SV2B: variants seen among roughly 807,000 people sequenced by gnomAD.
SV2B encodes solute carrier family 22 member B2.
In SV2B, 41 loss-of-function variants were observed where a neutral mutation model predicts 73.9. That is an observed-to-expected ratio of 0.56 (90% CI 0.43 to 0.72). SV2B has a LOEUF of 0.72. SV2B is among the 30% of genes least tolerant of loss of function. SV2B has a pLI of 0.00. For missense variants in SV2B, 764 were observed against 857.8 expected (o/e 0.89, Z 1.37); for synonymous variants, 314 against 314.2 (o/e 1.00, Z 0.01).
Position 91,268,665 on chromosome 15 carries a change from G to A in SV2B, c.1373+60G>A. 6.4e-7 allele frequency: 1 copy of A among 1,566,612 alleles called. No individual in the cohort carries two copies. The highest frequency in any genetic ancestry group is 1.8e-5 in the Admixed American group (1 of 56,572). On this transcript the variant is annotated intron_variant, in intron 9 of 12. Transcript: ENST00000394232. This position sits in a 1 kb window ranked among gnomAD's most constrained non-coding sequence, Gnocchi z 4.4. ...GGTGACAGTCGTGGGGACTGTTATT[G>A]GGAGGGAGCCGGAGGGAAGATAAGA...
In SV2B at chr15:91,297,664, G is replaced by C. The variant is rs1433027524; in HGVS notation, c.*5112G>C. 1 of 152,166 alleles carries C rather than the reference G, an allele frequency of 6.6e-6. No homozygotes were observed. The highest frequency in any genetic ancestry group is 1.5e-5 in the Non-Finnish European group (1 of 68,036). 9.4% of individuals were successfully genotyped at this position (152,166 alleles called of 1,614,324 possible). On this transcript the variant is annotated 3_prime_UTR_variant, in exon 13 of 13. Coordinates refer to ENST00000394232, the MANE Select transcript of SV2B (RefSeq NM_001323032.3). This position sits in a 1 kb window ranked among gnomAD's most constrained non-coding sequence, Gnocchi z 5.1. Reference sequence around the variant, plus strand: ...TTTGACTTGTCAGGGAAGTTCTATTGCTCTGATAACTTAAAACCAACCCAA... The same window carrying C: ...TTTGACTTGTCAGGGAAGTTCTATTCCTCTGATAACTTAAAACCAACCCAA...
chr15:91,275,109 A>T, intron 9 of SV2B, among the ~76,000 whole-genome samples: 1 of 152,134 alleles, frequency 6.6e-6, no homozygotes. Context: ...ATCCGTGTGT[A>T]TAGAACATTT....
rs921133233 is a variant in SV2B, at chr15:91,118,621, C to A, written c.-392+18258C>A. ...CTGGAGGGTCTGAAGCGGGACCCAG[C>A]TGCCCCTTTCTGAGAGGCTCCCTAC... On this transcript the variant is annotated intron_variant, in intron 1 of 12. Transcript: ENST00000394232. This position sits in a 1 kb window ranked among gnomAD's most constrained non-coding sequence, Gnocchi z 4.7. 1.3e-5 allele frequency among the ~76,000 whole-genome samples: 2 copies of A among 152,168 alleles called. No individual in the cohort carries two copies. The highest frequency in any genetic ancestry group is 4.8e-5 in the African/African-American group (2 of 41,432).
intron 1 of SV2B, among the ~76,000 whole-genome samples, chr15:91,166,646 A>G (rs1596506891): frequency 1.3e-5 from 2 of 151,904 alleles, no homozygotes; most frequent in Admixed American, 1.3e-4. Flanking sequence ...TTTTTTCTCA[A>G]TTTTTATATC....
chr15:91,158,351 A>G (rs2141239460), intron 1 of SV2B, among the ~76,000 whole-genome samples: 1 of 152,238 alleles, frequency 6.6e-6, no homozygotes, highest in East Asian at 1.9e-4. Flanking sequence ...AATCTGGGCT[A>G]GGGGGATTAC....
chr15:91,289,694 C>T lies in SV2B; in HGVS notation c.1868+14C>T. ...CACCAACCAGAGGTCAGTTCTTCCC[C>T]AGGCTTTCCTCAGGGACTTGTTTGG... is the stretch of plus-strand genomic sequence containing the variant. On this transcript the variant is annotated intron_variant, in intron 12 of 12. Coordinates refer to ENST00000394232, the MANE Select transcript of SV2B (RefSeq NM_001323032.3). This position sits in a 1 kb window ranked among gnomAD's most constrained non-coding sequence, Gnocchi z 4.9. The T allele has an allele frequency of 6.2e-7, 1 of 1,608,610 alleles. No homozygotes were observed. The highest frequency in any genetic ancestry group is 8.5e-7 in the Non-Finnish European group (1 of 1,177,346).
intron 1 of SV2B, among the ~76,000 whole-genome samples, chr15:91,116,191 G>C (rs1197134990): frequency 6.6e-6 from 1 of 152,162 alleles, no homozygotes; most frequent in African/African-American, 2.4e-5. Flanking sequence ...CATCTTGGAA[G>C]TTGAAGAGTA....
intron 1 of SV2B, among the ~76,000 whole-genome samples, chr15:91,191,520 C>T (rs989133895): frequency 1.3e-5 from 2 of 152,154 alleles, no homozygotes; most frequent in African/African-American, 2.4e-5. Flanking sequence ...CTAAGTTCCT[C>T]TCAGTAATTT....
rs748120690 is a variant in SV2B at position 91,258,584 on chromosome 15, A to G, written c.918+30A>G. ...GTCAGTGCTTTTCCACCAGGGGGAG[A>G]GTGACAAAACAGCCACAGGAACCCA... On this transcript the variant is annotated intron_variant, in intron 5 of 12. Transcript: ENST00000394232. This position sits in a 1 kb window ranked among gnomAD's most constrained non-coding sequence, Gnocchi z 4.7. The G allele has an allele frequency of 1.9e-6, 3 of 1,611,802 alleles. No individual in the cohort carries two copies. The highest frequency in any genetic ancestry group is 1.7e-5 in the Admixed American group (1 of 59,722).
At chr15:91,178,665 C>G (rs186372960) in intron 1 of SV2B, among the ~76,000 whole-genome samples, 61 of 151,728 alleles carry the variant, frequency 4.0e-4, no homozygotes, top group Admixed American at 1.1e-3. Flanking sequence ...TCTAAATTTT[C>G]TAGTTTATTT....
intron 9 of SV2B, among the ~76,000 whole-genome samples, chr15:91,276,064 GTTT>G (rs35560168): frequency 1.4e-5 from 2 of 140,076 alleles, no homozygotes; most frequent in South Asian, 2.3e-4. Flanking sequence ...TGGGTGGACA[GTTT>G]TTTTTTTTTT....
intron 6 of SV2B, among the ~76,000 whole-genome samples, chr15:91,266,181 C>A (rs2048093982): frequency 6.6e-6 from 1 of 152,052 alleles, no homozygotes; most frequent in Admixed American, 6.6e-5. Context: ...ATAAAAAAAA[C>A]AAAACCCCCC....
rs751672314 is a variant in SV2B, at chr15:91,268,622, G to A, written c.1373+17G>A. The A allele has an allele frequency of 7.5e-6, 12 of 1,603,490 alleles. No homozygotes were observed. Among genetic ancestry groups the A allele is most frequent in the Admixed American group, 3.3e-5 (2 of 59,786 alleles). On this transcript the variant is annotated intron_variant, in intron 9 of 12. Transcript: ENST00000394232. This position sits in a 1 kb window ranked among gnomAD's most constrained non-coding sequence, Gnocchi z 4.4. ...GAATGATAAGTAAGTGAGTGATCAC[G>A]GGCTTCCCTCACATCAGGGTGACAG... is the stretch of plus-strand genomic sequence containing the variant.
intron 1 of SV2B, among the ~76,000 whole-genome samples, chr15:91,198,818 T>C (rs2045355144): frequency 1.3e-5 from 2 of 152,178 alleles, no homozygotes; most frequent in African/African-American, 4.8e-5. Context: ...CAGAGTCCTG[T>C]TGCTGTATGC....
intron 1 of SV2B, among the ~76,000 whole-genome samples, chr15:91,155,833 C>T (rs2043471476): frequency 6.6e-6 from 1 of 151,984 alleles, no homozygotes; most frequent in African/African-American, 2.4e-5. Context: ...GTCATTGTTC[C>T]AGACCGTTAA....
chr15:91,289,599 A>G lies in SV2B; in HGVS notation c.1787A>G (p.Gln596Arg). The part of the protein sequence containing the change: ...GNSESAMIGW[Q>R]CLFCGTSIAA... ...AGTGAGTCTGCAATGATCGGCTGGC[A>G]GTGCCTGTTCTGTGGGACAAGCATT... The change falls in exon 12 of 13, where the codon CAG becomes CGG. Residue 596 changes from glutamine (Q) to arginine (R), a missense_variant. Physicochemically the swap from Gln to Arg is conservative, Grantham distance 43 (BLOSUM62 1). Coordinates refer to ENST00000394232, the MANE Select transcript of SV2B (RefSeq NM_001323032.3). This position sits in a 1 kb window ranked among gnomAD's most constrained non-coding sequence, Gnocchi z 4.9. 6.2e-7 allele frequency: 1 copy of G among 1,614,222 alleles called. No homozygotes were observed. Among genetic ancestry groups the G allele is most frequent in the Non-Finnish European group, 8.5e-7 (1 of 1,180,052 alleles).
chr15:91,169,056 T>C (rs180843184), intron 1 of SV2B, among the ~76,000 whole-genome samples: 96 of 152,280 alleles, frequency 6.3e-4, no homozygotes, highest in African/African-American at 2.3e-3. Flanking sequence ...TTATTACTCA[T>C]TTGATGTCTG....
intron 9 of SV2B, among the ~76,000 whole-genome samples, chr15:91,275,641 A>G (rs2048460806): frequency 6.6e-6 from 1 of 152,200 alleles, no homozygotes; most frequent in South Asian, 2.1e-4. Context: ...CTTGGGCAAC[A>G]TGGTAAAACC....
chr15:91,179,385 G>A (rs1293300697), intron 1 of SV2B, among the ~76,000 whole-genome samples: 1 of 152,212 alleles, frequency 6.6e-6, no homozygotes, highest in Non-Finnish European at 1.5e-5. Context: ...TTGGGGTGGA[G>A]AGTTCTGTAG....
Sources: allele counts gnomAD v4.1 joint callset (sites outside exome capture counted in the v4.1 genomes callset), GRCh38; gene constraint gnomAD v4.1.1; non-coding constraint Gnocchi (gnomAD v3.1); transcripts MANE v1.5; gene names NCBI Gene and HGNC (gene_info 2026-07-23, HGNC 2026-07-21).